Variants in CNTN5 observed in about 807,000 individuals in gnomAD.
CNTN5 encodes the protein contactin-5.
A neutral mutation model predicts 129.1 loss-of-function variants in CNTN5; 77 were observed. That is an observed-to-expected ratio of 0.60 (90% confidence interval 0.50 to 0.72). The LOEUF (loss-of-function observed/expected upper bound fraction) is 0.72, where lower values mean the gene tolerates loss of function less well. CNTN5 is among the 30% of genes least tolerant of loss of function. CNTN5 has a pLI of 0.00. For synonymous variants in CNTN5, 509 were observed against 465.6 expected (o/e 1.09, Z -1.20); for missense variants, 1,478 against 1,328.8 (o/e 1.11, Z -1.75).
At chr11:99,831,602 CA>C (rs1453537649) in intron 4 of CNTN5, among the ~76,000 whole-genome samples, 4 of 151,708 alleles carry the variant, frequency 2.6e-5, no homozygotes, top group Admixed American at 6.6e-5. Flanking sequence ...AGCAGACTGC[CA>C]GTGACCATAA....
intron 1 of CNTN5, among the ~76,000 whole-genome samples, chr11:99,118,309 T>C (rs1213449418): frequency 1.3e-5 from 2 of 152,188 alleles, no homozygotes; most frequent in African/African-American, 4.8e-5. Flanking sequence ...AATTTTATTA[T>C]ACATTTTGAT....
intron 1 of CNTN5, among the ~76,000 whole-genome samples, chr11:99,253,042 G>T (rs1472504916): frequency 6.6e-5 from 10 of 151,450 alleles, no homozygotes; most frequent in African/African-American, 2.4e-4. Context: ...ATATGGTTTG[G>T]CTGTGTCCCC....
At chr11:99,770,308 G>A (rs1944901175) in intron 3 of CNTN5, among the ~76,000 whole-genome samples, 1 of 151,986 alleles carries the variant, frequency 6.6e-6, no homozygotes, top group Admixed American at 6.6e-5. Flanking sequence ...ATTCAAAGAA[G>A]TCTCATTCTT....
chr11:99,986,780 C>T (rs760500627), intron 8 of CNTN5, among the ~76,000 whole-genome samples: 1 of 152,090 alleles, frequency 6.6e-6, no homozygotes, highest in African/African-American at 2.4e-5. Context: ...TTAATAACCA[C>T]CATTATTGCA....
rs536341266 is a variant in CNTN5 at position 99,047,380 on chromosome 11, G to A, written c.-210+26110G>A. 2.9e-4 allele frequency among the ~76,000 whole-genome samples: 37 copies of A among 128,996 alleles called. 1 individual carries two copies. Among genetic ancestry groups the A allele is most frequent in the Middle Eastern group, 4.4e-3 (1 of 226 alleles). 84.6% of individuals were successfully genotyped at this position (128,996 alleles called of 152,430 possible). On this transcript the variant is annotated intron_variant, in intron 1 of 24. Transcript: ENST00000524871. Reference sequence around the variant, plus strand: ...GCAACACTGATCTTATTGAATTTTGGCAAAAAAAAAAAAAAACCAAAAAAG... The same window carrying A: ...GCAACACTGATCTTATTGAATTTTGACAAAAAAAAAAAAAAACCAAAAAAG...
At chr11:100,198,471 A>T (rs1948701362) in intron 15 of CNTN5, among the ~76,000 whole-genome samples, 1 of 151,900 alleles carries the variant, frequency 6.6e-6, no homozygotes, top group Non-Finnish European at 1.5e-5. Flanking sequence ...CATATGAAGT[A>T]ATGTTATTTG....
At chr11:100,090,499 T>TTTCCTCCCTCCCTTCCCTCCCTCCCTCCC (rs1944722849) in intron 13 of CNTN5, among the ~76,000 whole-genome samples, 6 of 31,180 alleles carry the variant, frequency 1.9e-4, no homozygotes, top group African/African-American at 4.0e-4. Flanking sequence ...CCTTTCCTCC[T>TTTCCTCCCTCCCTTCCCTCCCTCCCTCCC]TTCCTCCCTC....
At chr11:99,831,862 T>G (rs2135614547) in intron 4 of CNTN5, among the ~76,000 whole-genome samples, 1 of 152,330 alleles carries the variant, frequency 6.6e-6, no homozygotes, top group African/African-American at 2.4e-5. Context: ...CCAATTTGCT[T>G]CAAATGCTAA....
intron 20 of CNTN5, among the ~76,000 whole-genome samples, chr11:100,299,809 C>A (rs1377180441): frequency 6.6e-6 from 1 of 151,324 alleles, no homozygotes; most frequent in African/African-American, 2.4e-5. Flanking sequence ...TTATTTCTAA[C>A]CCTATGCATA....
intron 8 of CNTN5, among the ~76,000 whole-genome samples, chr11:99,997,218 T>A (rs941806153): frequency 1.3e-5 from 2 of 152,188 alleles, no homozygotes; most frequent in African/African-American, 2.4e-5. Context: ...TTTGAAGGGT[T>A]TTTTTGGTCT....
At position 100,340,581 on chromosome 11, in the gene CNTN5, T is replaced by C; in HGVS notation, c.2849T>C (p.Val950Ala). The C allele has an allele frequency of 1.2e-6, 2 of 1,613,352 alleles. No individual in the cohort carries two copies. Among genetic ancestry groups the C allele is most frequent in the Non-Finnish European group, 1.7e-6 (2 of 1,179,586 alleles). The change falls in exon 22 of 25, where the codon GTG becomes GCG. Residue 950 changes from valine to alanine, a missense_variant. Val to Ala is a moderately conservative substitution (Grantham distance 64). Transcript: ENST00000524871. ...LEGNTLYHFT[V>A]RAYNGAGYGP... ...GGAAATACGTTATATCACTTCACAG[T>C]GAGGGCTTACAATGGAGCTGGATAT... is the stretch of plus-strand genomic sequence containing the variant.
chr11:99,910,762 T>C (rs951022752), intron 6 of CNTN5, among the ~76,000 whole-genome samples: 1 of 152,070 alleles, frequency 6.6e-6, no homozygotes, highest in Non-Finnish European at 1.5e-5. Flanking sequence ...TTCATTTCCT[T>C]TTCTCTCTTT....
intron 21 of CNTN5, among the ~76,000 whole-genome samples, chr11:100,320,444 C>T (rs1273001836): frequency 6.6e-6 from 1 of 151,812 alleles, no homozygotes; most frequent in Non-Finnish European, 1.5e-5. Flanking sequence ...AATGTTAATC[C>T]CTTATCAAAT....
intron 1 of CNTN5, among the ~76,000 whole-genome samples, chr11:99,258,501 A>T (rs939864691): frequency 6.6e-6 from 1 of 152,064 alleles, no homozygotes; most frequent in Non-Finnish European, 1.5e-5. Flanking sequence ...TAAATCACTT[A>T]TTTATTTTTT....
At chr11:99,051,736 C>T (rs74761225) in intron 1 of CNTN5, among the ~76,000 whole-genome samples, 1,644 of 151,856 alleles carry the variant, frequency 0.011, 30 homozygotes, top group African/African-American at 0.038. Context: ...TCAATCCATC[C>T]GTTTGCTCTT....
At chr11:99,897,682 T>A (rs764880239) in intron 6 of CNTN5, among the ~76,000 whole-genome samples, 19 of 152,102 alleles carry the variant, frequency 1.2e-4, no homozygotes, top group Admixed American at 1.2e-3. Flanking sequence ...ATACTTGGCA[T>A]CAGAAAATGA....
At chr11:100,258,573 G>GAC (rs1950127237) in intron 17 of CNTN5, among the ~76,000 whole-genome samples, 1 of 152,198 alleles carries the variant, frequency 6.6e-6, no homozygotes, top group South Asian at 2.1e-4. Flanking sequence ...AAGCCCATCA[G>GAC]ACTAACAGTG....
chr11:100,055,135 T>C (rs1170627265), intron 9 of CNTN5, among the ~76,000 whole-genome samples: 3 of 151,550 alleles, frequency 2.0e-5, no homozygotes, highest in African/African-American at 7.2e-5. Flanking sequence ...TATACCTCAT[T>C]TGTTTGTAAA....
At chr11:99,733,970 A>G (rs562743173) in intron 3 of CNTN5, among the ~76,000 whole-genome samples, 1 of 152,308 alleles carries the variant, frequency 6.6e-6, no homozygotes, top group Non-Finnish European at 1.5e-5. Flanking sequence ...CTGCAGCTGA[A>G]GGAAGGAGGC....
Sources: allele counts gnomAD v4.1 joint callset (sites outside exome capture counted in the v4.1 genomes callset), GRCh38; gene constraint gnomAD v4.1.1; transcripts MANE v1.5; gene names NCBI Gene and HGNC (gene_info 2026-07-23, HGNC 2026-07-21).